The following GALNT17 variants were observed in gnomAD, a reference collection of about 807,000 sequenced individuals.
GALNT17 encodes the protein UDP-GalNAc:polypeptide N-acetylgalactosaminyltransferase-like 3.
In GALNT17, 29 loss-of-function variants were observed where a neutral mutation model predicts 63.7. The observed-to-expected ratio is 0.46, with a 90% CI of 0.34 to 0.62. GALNT17 has a LOEUF of 0.62. GALNT17 is among the 20% of genes least tolerant of loss of function. The probability of loss-of-function intolerance (pLI) is 0.01; values close to 1 mark genes in which losing one functional copy is unlikely to be tolerated. For missense variants in GALNT17, 603 were observed against 799.6 expected (o/e 0.75, Z 2.97); for synonymous variants, 305 against 318.3 (o/e 0.96, Z 0.45).
chr7:71,276,984 CA>C (rs1434373773), intron 1 of GALNT17, among the ~76,000 whole-genome samples: 2 of 152,016 alleles, frequency 1.3e-5, no homozygotes, highest in Non-Finnish European at 2.9e-5. Context: ...GGTGACAGAG[CA>C]AGACTCCATC....
At chr7:71,203,460 A>G (rs1789213000) in intron 1 of GALNT17, among the ~76,000 whole-genome samples, 1 of 152,158 alleles carries the variant, frequency 6.6e-6, no homozygotes, top group South Asian at 2.1e-4. Flanking sequence ...ATATCTATTC[A>G]GATTCTTTGT....
At chr7:71,291,529 T>A (rs544515386) in intron 1 of GALNT17, among the ~76,000 whole-genome samples, 1 of 152,318 alleles carries the variant, frequency 6.6e-6, no homozygotes, top group East Asian at 1.9e-4. Context: ...GGTTTCAGTA[T>A]TTTACATCTT....
Position 71,415,977 on chromosome 7 carries a change from G to C in GALNT17, c.678G>C (p.Leu226=). The change falls in exon 4 of 11, where the codon CTG becomes CTC. Residue 226 remains leucine (L), a synonymous_variant. Coordinates refer to ENST00000333538, the MANE Select transcript of GALNT17 (RefSeq NM_022479.3). ...KVVRNQKREG[L]IRARIEGWKV... is the part of the protein sequence containing the mutation. ...TAAGAAATCAGAAGAGGGAAGGCCT[G>C]ATCCGCGCTCGCATTGAGGGCTGGA... 6.2e-7 allele frequency: 1 copy of C among 1,613,932 alleles called. No homozygotes were observed.
intron 1 of GALNT17, among the ~76,000 whole-genome samples, chr7:71,326,380 G>A (rs546818287): frequency 1.3e-5 from 2 of 152,008 alleles, no homozygotes; most frequent in East Asian, 3.9e-4. Flanking sequence ...GATCCCTCGA[G>A]CCCAGTAGCT....
intron 2 of GALNT17, among the ~76,000 whole-genome samples, chr7:71,366,383 C>T (rs547240052): frequency 1.1e-3 from 162 of 152,204 alleles, no homozygotes; most frequent in Non-Finnish European, 1.7e-3. Flanking sequence ...GAGATCGAGA[C>T]CATCCTGGCC....
intron 5 of GALNT17, among the ~76,000 whole-genome samples, chr7:71,529,850 A>G (rs1788685338): frequency 6.6e-6 from 1 of 152,196 alleles, no homozygotes; most frequent in Admixed American, 6.5e-5. Context: ...TGCTAAGCTA[A>G]TTGTTCAATC....
intron 1 of GALNT17, among the ~76,000 whole-genome samples, chr7:71,252,706 C>A (rs892292690): frequency 2.6e-5 from 4 of 152,106 alleles, no homozygotes. Context: ...GAAAATACAA[C>A]CTTGGAGCCC....
At chr7:71,519,656 AT>A (rs1415826080) in intron 5 of GALNT17, among the ~76,000 whole-genome samples, 9 of 151,876 alleles carry the variant, frequency 5.9e-5, no homozygotes, top group Admixed American at 5.9e-4. Context: ...TAGAGATGAG[AT>A]TTTACCGTAT....
intron 5 of GALNT17, among the ~76,000 whole-genome samples, chr7:71,513,918 A>T (rs1788404713): frequency 1.3e-5 from 2 of 152,190 alleles, no homozygotes. Flanking sequence ...AGAGCTGGGC[A>T]TGGTGGCTTA....
At chr7:71,152,959 G>T (rs1010208261) in intron 1 of GALNT17, among the ~76,000 whole-genome samples, 2 of 152,132 alleles carry the variant, frequency 1.3e-5, no homozygotes, top group Admixed American at 1.3e-4. Context: ...TAAGTTCACA[G>T]GTATTTCTCA....
intron 5 of GALNT17, among the ~76,000 whole-genome samples, chr7:71,551,399 T>C (rs2116830623): frequency 6.6e-6 from 1 of 152,300 alleles, no homozygotes; most frequent in South Asian, 2.1e-4. Flanking sequence ...AACATAGATG[T>C]TTTCCAATAA....
intron 5 of GALNT17, among the ~76,000 whole-genome samples, chr7:71,555,441 C>T (rs546784822): frequency 6.7e-6 from 1 of 149,046 alleles, no homozygotes; most frequent in South Asian, 2.1e-4. Context: ...AGCCCAGCAG[C>T]TTTGTCTTAC....
chr7:71,618,754 A>G (rs561764064), intron 6 of GALNT17, among the ~76,000 whole-genome samples: 5 of 152,118 alleles, frequency 3.3e-5, no homozygotes, highest in South Asian at 2.1e-4. Flanking sequence ...CTCCCGTTCT[A>G]TAGGTTGTCT....
At chr7:71,558,324 T>G (rs1211207652) in intron 5 of GALNT17, among the ~76,000 whole-genome samples, 1 of 152,188 alleles carries the variant, frequency 6.6e-6, no homozygotes, top group Non-Finnish European at 1.5e-5. Context: ...TAGGTTTTTT[T>G]TTTGGTAATC....
intron 5 of GALNT17, among the ~76,000 whole-genome samples, chr7:71,550,291 C>G (rs1214129282): frequency 3.3e-5 from 5 of 152,084 alleles, no homozygotes; most frequent in Non-Finnish European, 7.4e-5. Context: ...TTGGGTCATA[C>G]ATAGCTATGA....
intron 9 of GALNT17, among the ~76,000 whole-genome samples, chr7:71,683,623 C>A (rs1402990000): frequency 6.6e-6 from 1 of 152,142 alleles, no homozygotes; most frequent in Non-Finnish European, 1.5e-5. Context: ...CTTGCTTGCT[C>A]GGAAATGTCT....
At chr7:71,486,352 T>G (rs1415648956) in intron 5 of GALNT17, among the ~76,000 whole-genome samples, 1 of 129,412 alleles carries the variant, frequency 7.7e-6, no homozygotes, top group East Asian at 2.2e-4. Context: ...ATAATAATAA[T>G]AATAATAATA....
chr7:71,684,838 G>GT (rs557013049), intron 9 of GALNT17, among the ~76,000 whole-genome samples: 1 of 151,914 alleles, frequency 6.6e-6, no homozygotes, highest in African/African-American at 2.4e-5. Flanking sequence ...TAATTTTTCA[G>GT]TTTTTTTGTA....
At chr7:71,340,136 A>G (rs1169375775) in intron 2 of GALNT17, among the ~76,000 whole-genome samples, 1 of 152,200 alleles carries the variant, frequency 6.6e-6, no homozygotes, top group Non-Finnish European at 1.5e-5. Context: ...TGGAGATGAC[A>G]GGCATTTCTG....
Sources: allele counts gnomAD v4.1 joint callset (sites outside exome capture counted in the v4.1 genomes callset), GRCh38; gene constraint gnomAD v4.1.1; transcripts MANE v1.5; gene names NCBI Gene and HGNC (gene_info 2026-07-23, HGNC 2026-07-21).